Variants in KCNH7 observed in about 807,000 individuals in gnomAD.
KCNH7 encodes voltage-gated inwardly rectifying potassium channel KCNH7.
KCNH7 carries 49 observed loss-of-function variants against 120.8 expected under a neutral mutation model. The ratio of observed to expected loss-of-function variants is 0.41; its 90% CI spans 0.32 to 0.51. KCNH7 has a LOEUF of 0.51. KCNH7 is among the 20% of genes least tolerant of loss of function. The pLI is 0.38. For missense variants in KCNH7, 1,097 were observed against 1,446.6 expected, an observed-to-expected ratio of 0.76 and a Z score of 3.92; for synonymous variants, 547 against 516.1, an observed-to-expected ratio of 1.06 and a Z score of -0.81.
chr2:162,693,746 C>G (rs187592821), intron 2 of KCNH7, among the ~76,000 whole-genome samples: 2 of 152,096 alleles, frequency 1.3e-5, no homozygotes, highest in African/African-American at 4.8e-5. Context: ...GTATGTATTT[C>G]TTAATGACTG....
chr2:162,588,831 C>G (rs1694109240), intron 2 of KCNH7, among the ~76,000 whole-genome samples: 1 of 152,034 alleles, frequency 6.6e-6, no homozygotes, highest in Admixed American at 6.6e-5. Flanking sequence ...GGTGTTCCTC[C>G]TATCTAGCTG....
chr2:162,592,227 T>C (rs767544029), intron 2 of KCNH7, among the ~76,000 whole-genome samples: 2 of 152,074 alleles, frequency 1.3e-5, no homozygotes, highest in Admixed American at 6.6e-5. Context: ...TCCTGATAGA[T>C]AAAGGTTTCA....
intron 6 of KCNH7, chr2:162,497,068 A>G (rs906741666): frequency 6.6e-6 from 1 of 152,208 alleles, no homozygotes; most frequent in Non-Finnish European, 1.5e-5. Context: ...AATTTTAAAC[A>G]TTAGCTAAGA....
At chr2:162,681,683 G>C (rs1327382970) in intron 2 of KCNH7, among the ~76,000 whole-genome samples, 1 of 151,634 alleles carries the variant, frequency 6.6e-6, no homozygotes, top group Non-Finnish European at 1.5e-5. Context: ...TTTGTTTGGA[G>C]CCAATTTAAA....
At chr2:162,631,721 G>T (rs185039271) in intron 2 of KCNH7, among the ~76,000 whole-genome samples, 2 of 152,108 alleles carry the variant, frequency 1.3e-5, no homozygotes, top group East Asian at 3.9e-4. Flanking sequence ...AACACCAGAT[G>T]ATAATGAATC....
intron 2 of KCNH7, among the ~76,000 whole-genome samples, chr2:162,752,875 T>C (rs1414640445): frequency 8.2e-6 from 1 of 122,394 alleles, no homozygotes; most frequent in East Asian, 2.1e-4. Context: ...CACTCCAGCC[T>C]GGGCAAAAGA....
At chr2:162,799,643 C>G (rs1452976823) in intron 2 of KCNH7, among the ~76,000 whole-genome samples, 1 of 151,770 alleles carries the variant, frequency 6.6e-6, no homozygotes, top group Non-Finnish European at 1.5e-5. Context: ...ATCAAGCTCC[C>G]CTCCACACTT....
intron 3 of KCNH7, among the ~76,000 whole-genome samples, chr2:162,526,188 C>A (rs558126499): frequency 6.6e-6 from 1 of 151,706 alleles, no homozygotes; most frequent in Non-Finnish European, 1.5e-5. Flanking sequence ...AGGGAGTGTA[C>A]GAATAGGGTG....
chr2:162,549,122 G>A (rs1222203463), intron 2 of KCNH7, among the ~76,000 whole-genome samples: 4 of 152,172 alleles, frequency 2.6e-5, no homozygotes, highest in South Asian at 2.1e-4. Context: ...AACTTTTACC[G>A]AGTCTTATCC....
At chr2:162,755,862 G>A (rs1265120445) in intron 2 of KCNH7, among the ~76,000 whole-genome samples, 1 of 152,140 alleles carries the variant, frequency 6.6e-6, no homozygotes, top group East Asian at 1.9e-4. Context: ...AAATTAAAAT[G>A]AGGAAGAAAT....
At chr2:162,577,344 CCATCCT>C (rs769862447) in intron 2 of KCNH7, among the ~76,000 whole-genome samples, 13,090 of 120,070 alleles carry the variant, frequency 0.11, 727 homozygotes, top group South Asian at 0.2. Context: ...TATCATCTAT[CCATCCT>C]ATCTATCTAT....
chr2:162,514,249 C>T (rs189816854), intron 4 of KCNH7, among the ~76,000 whole-genome samples: 10 of 151,846 alleles, frequency 6.6e-5, no homozygotes, highest in South Asian at 2.1e-4. Context: ...GATGACAACT[C>T]CCTTTCCTCT....
rs1340002622 is a variant in KCNH7, at chr2:162,517,950, T to A, written c.672A>T (p.Lys224Asn). The A allele has an allele frequency of 1.2e-6, 2 of 1,612,258 alleles. No individual in the cohort carries two copies. Among genetic ancestry groups the A allele is most frequent in the Admixed American group, 1.7e-5 (1 of 59,904 alleles). Residue 224 changes from lysine to asparagine, a missense_variant, in exon 4 of 16, where the codon AAA (lysine) becomes AAT (asparagine). Transcript: ENST00000332142. ...CGGATATATTCACCAAGGGAGAACA[T>A]TTGCTGGGCTGTATCAAAGCTTTTG... ...DDTKALIQPS[K>N]CSPLVNISGP...
In KCNH7 at chr2:162,441,612, G is replaced by A. The variant is rs540343838; in HGVS notation, c.1554+4406C>T. 2.5e-4 allele frequency among the ~76,000 whole-genome samples: 38 copies of A among 152,252 alleles called. No individual in the cohort carries two copies. The South Asian group carries it at 5.4e-3, about 22-fold the overall frequency. On this transcript the variant is annotated intron_variant, in intron 7 of 15. Transcript: ENST00000332142. ...GAAGCATGTAATTGAGCAGAGTTTC[G>A]TAGATTTCAGCTGCTAATATCTCTG...
chr2:162,482,299 A>G (rs946909923), intron 6 of KCNH7, among the ~76,000 whole-genome samples: 1 of 152,188 alleles, frequency 6.6e-6, no homozygotes, highest in Admixed American at 6.5e-5. Flanking sequence ...TGAGTAGGAC[A>G]AGGGGAGTTT....
chr2:162,717,349 G>C (rs1687160780), intron 2 of KCNH7, among the ~76,000 whole-genome samples: 1 of 152,070 alleles, frequency 6.6e-6, no homozygotes, highest in African/African-American at 2.4e-5. Context: ...ATTGTATACA[G>C]ATAATATTCA....
At chr2:162,719,237 A>C (rs777520620) in intron 2 of KCNH7, among the ~76,000 whole-genome samples, 4 of 152,058 alleles carry the variant, frequency 2.6e-5, no homozygotes. Context: ...TTATTGTAAA[A>C]TATTGTATAC....
intron 2 of KCNH7, among the ~76,000 whole-genome samples, chr2:162,569,806 G>C (rs533883584): frequency 6.9e-6 from 1 of 145,650 alleles, no homozygotes; most frequent in East Asian, 2.1e-4. Context: ...TCATTCAGGA[G>C]CAGGTTGTTC....
intron 4 of KCNH7, among the ~76,000 whole-genome samples, chr2:162,517,480 G>A (rs1256258569): frequency 6.6e-6 from 1 of 151,744 alleles, no homozygotes; most frequent in East Asian, 2.0e-4. Flanking sequence ...ACTCCATGTG[G>A]TAGGCAGATA....
Sources: gnomAD v4.1 joint callset for allele counts (sites outside exome capture counted in the v4.1 genomes callset) on GRCh38, gnomAD v4.1.1 for gene constraint, MANE v1.5 for transcripts, NCBI Gene and HGNC (gene_info 2026-07-23, HGNC 2026-07-21) for gene names.